Variants in RAB8B observed in about 807,000 individuals in gnomAD.
The protein encoded by RAB8B is ras-related protein Rab-8B.
A neutral mutation model predicts 32.0 loss-of-function variants in RAB8B; 11 were observed. The observed-to-expected ratio is 0.34, with a 90% CI of 0.22 to 0.57. The LOEUF is 0.57. RAB8B is among the 20% of genes least tolerant of loss of function. RAB8B has a pLI of 0.86. For missense variants in RAB8B, 190 were observed against 258.5 expected (o/e 0.73, Z 1.82); for synonymous variants, 103 against 89.6 (o/e 1.15, Z -0.85).
chr15:63,265,715 A>G lies in RAB8B; in HGVS notation c.*2096A>G, dbSNP rs1347991000. 6.6e-6 allele frequency: 1 copy of G among 152,474 alleles called. No individual in the cohort carries two copies. The highest frequency in any genetic ancestry group is 1.5e-5 in the Non-Finnish European group (1 of 67,960). 9.4% of individuals were successfully genotyped at this position (152,474 alleles called of 1,614,324 possible). A position where few individuals can be genotyped will look rare whatever the true frequency, so the allele number is the denominator to read the frequency against. On this transcript the variant is annotated 3_prime_UTR_variant, in exon 8 of 8. Coordinates refer to ENST00000321437, the MANE Select transcript of RAB8B (RefSeq NM_016530.3). The surrounding 1 kb of genome is among the most constrained non-coding windows in gnomAD (Gnocchi z 4.9). ...TCTCAGGGGTTGTCTGCAAACCAAA[A>G]CTGACATATTCTGTGGTTAGCTTTT...
chr15:63,251,894 C>T (rs888200628), intron 3 of RAB8B, among the ~76,000 whole-genome samples: 4 of 152,028 alleles, frequency 2.6e-5, no homozygotes, highest in African/African-American at 9.7e-5. Context: ...GTGGTTATGG[C>T]AGGTTTAGTT....
Position 63,259,749 on chromosome 15 carries a change from T to A in RAB8B, c.480+57T>A. On this transcript the variant is annotated intron_variant, in intron 6 of 7. Coordinates refer to ENST00000321437, the MANE Select transcript of RAB8B (RefSeq NM_016530.3). This position sits in a 1 kb window ranked among gnomAD's most constrained non-coding sequence, Gnocchi z 4.4. ...AGCAGCACCAGTGCTTAGGGGCCTG[T>A]GTTCAAACAGCTCTCAGAGCTTTGG... 7.0e-7 allele frequency: 1 copy of A among 1,433,414 alleles called. No homozygotes were observed. The highest frequency in any genetic ancestry group is 1.2e-5 in the South Asian group (1 of 85,744). The allele number at this position is 1,433,414 out of a possible 1,614,324, so 88.8% of individuals were successfully genotyped here. A position where few individuals can be genotyped will look rare whatever the true frequency, so the allele number is the denominator to read the frequency against.
At chr15:63,219,480 G>C (rs1358748833) in intron 1 of RAB8B, among the ~76,000 whole-genome samples, 1 of 149,746 alleles carries the variant, frequency 6.7e-6, no homozygotes, top group Non-Finnish European at 1.5e-5. Flanking sequence ...GAGGGAAAGA[G>C]AACAGACAAG....
intron 1 of RAB8B, chr15:63,223,085 A>G (rs1423913024): frequency 6.6e-6 from 3 of 455,100 alleles, no homozygotes; most frequent in Non-Finnish European, 1.3e-5. Flanking sequence ...TAAGTACCCT[A>G]TATAGGTATA....
intron 1 of RAB8B, among the ~76,000 whole-genome samples, chr15:63,200,719 G>A (rs1326197699): frequency 6.6e-6 from 1 of 152,224 alleles, no homozygotes; most frequent in Non-Finnish European, 1.5e-5. Flanking sequence ...CTTTGCTGGT[G>A]CTAAATTTCC....
intron 3 of RAB8B, among the ~76,000 whole-genome samples, chr15:63,251,093 AC>A (rs2038113541): frequency 6.6e-6 from 1 of 152,062 alleles, no homozygotes; most frequent in Non-Finnish European, 1.5e-5. Flanking sequence ...GCTGAAGTGT[AC>A]CACTAACCAT....
intron 1 of RAB8B, among the ~76,000 whole-genome samples, chr15:63,212,372 G>A (rs938629791): frequency 6.6e-6 from 1 of 152,152 alleles, no homozygotes; most frequent in Non-Finnish European, 1.5e-5. Context: ...TTCTGTTTCA[G>A]TTCATGTTCA....
chr15:63,260,662 T>A (rs528605788), intron 6 of RAB8B, among the ~76,000 whole-genome samples: 1 of 152,140 alleles, frequency 6.6e-6, no homozygotes, highest in African/African-American at 2.4e-5. Context: ...TCTATACATG[T>A]ATCCCAGAAC....
At chr15:63,237,931 T>C (rs1311730462) in intron 1 of RAB8B, among the ~76,000 whole-genome samples, 2 of 152,168 alleles carry the variant, frequency 1.3e-5, no homozygotes, top group Non-Finnish European at 2.9e-5. Flanking sequence ...GGTGGGGGTC[T>C]AGTTTCATTC....
intron 3 of RAB8B, chr15:63,251,269 G>T (rs1184497436): frequency 2.2e-6 from 1 of 455,946 alleles, no homozygotes; most frequent in East Asian, 6.9e-5. Context: ...TTTGTTGTTT[G>T]TTTGTTTCCC....
Position 63,197,376 on chromosome 15 carries a change from T to TC in RAB8B, c.124+7628_124+7629insC, listed in dbSNP as rs1166389323. On this transcript the variant is annotated intron_variant, in intron 1 of 7. Transcript: ENST00000321437. Reference sequence around the variant, plus strand: ...TTCTTTCTTTCTTTCTTTTCTTTTTTTTTTTTTTTTTTTTTAAGACAGAGT... The same window carrying TC: ...TTCTTTCTTTCTTTCTTTTCTTTTTTCTTTTTTTTTTTTTTTAAGACAGAGT... Among the ~76,000 whole-genome samples, 54 of 137,920 alleles carry TC rather than the reference T, an allele frequency of 3.9e-4. No individual in the cohort carries two copies. The East Asian group carries it at 0.011, about 28-fold the overall frequency. 90.5% of individuals were successfully genotyped at this position (137,920 alleles called of 152,430 possible). A position where few individuals can be genotyped will look rare whatever the true frequency, so the allele number is the denominator to read the frequency against.
rs368815376 is a variant in RAB8B, at chr15:63,266,997, G to T, written c.*3378G>T. On this transcript the variant is annotated 3_prime_UTR_variant, in exon 8 of 8. Coordinates refer to ENST00000321437, the MANE Select transcript of RAB8B (RefSeq NM_016530.3). ...TTTAAGCACTCATTTCTGCAATCAGGTTTCTCAGAATTTTTTTTTTTTAAA... is the reference window on the plus strand; with the variant it reads ...TTTAAGCACTCATTTCTGCAATCAGTTTTCTCAGAATTTTTTTTTTTTAAA... The T allele has an allele frequency of 3.9e-5, 6 of 152,286 alleles. No homozygotes were observed. The highest frequency in any genetic ancestry group is 1.9e-4 in the East Asian group (1 of 5,176). The allele number at this position is 152,286 out of a possible 1,614,324, so 9.4% of individuals were successfully genotyped here. A position where few individuals can be genotyped will look rare whatever the true frequency, so the allele number is the denominator to read the frequency against.
At chr15:63,244,416 G>A (rs768332215) in intron 1 of RAB8B, among the ~76,000 whole-genome samples, 31 of 152,172 alleles carry the variant, frequency 2.0e-4, no homozygotes, top group Non-Finnish European at 3.1e-4. Flanking sequence ...GGGTTGAGGA[G>A]TAGATAGGAA....
intron 3 of RAB8B, among the ~76,000 whole-genome samples, chr15:63,252,169 A>G (rs1293526801): frequency 6.6e-6 from 1 of 151,908 alleles, no homozygotes; most frequent in African/African-American, 2.4e-5. Context: ...TTGTATTTCT[A>G]ACTGATTCAT....
chr15:63,222,560 C>T (rs551139944), intron 1 of RAB8B, among the ~76,000 whole-genome samples: 142 of 152,284 alleles, frequency 9.3e-4, no homozygotes, highest in Non-Finnish European at 1.7e-3. Flanking sequence ...TTATTTGAGA[C>T]GGAGTCTCAC....
At chr15:63,250,121 C>T (rs1392233309) in intron 3 of RAB8B, among the ~76,000 whole-genome samples, 2 of 152,060 alleles carry the variant, frequency 1.3e-5, no homozygotes, top group Non-Finnish European at 2.9e-5. Context: ...CTGGCCTGGG[C>T]AACAGAGCGA....
At chr15:63,249,820 G>T in intron 3 of RAB8B, 115 bp downstream of exon 3, 1 of 1,139,476 alleles carries the variant, frequency 8.8e-7, no homozygotes, top group Admixed American at 2.5e-5. Flanking sequence ...TAAATTTTCT[G>T]ATGGGGAAAC....
Position 63,266,338 on chromosome 15 carries a change from T to G in RAB8B, c.*2719T>G, listed in dbSNP as rs1489787294. ...CTAAGTAGCATGTAAATCAGTTGAT[T>G]GTAAAACGTTTCGCTGGGAACTTAT... On this transcript the variant is annotated 3_prime_UTR_variant, in exon 8 of 8. Coordinates refer to ENST00000321437, the MANE Select transcript of RAB8B (RefSeq NM_016530.3). 1.3e-5 allele frequency: 2 copies of G among 152,602 alleles called. No individual in the cohort carries two copies. The highest frequency in any genetic ancestry group is 2.9e-5 in the Non-Finnish European group (2 of 67,998). The allele number at this position is 152,602 out of a possible 1,614,324, so 9.5% of individuals were successfully genotyped here.
intron 5 of RAB8B, 101 bp downstream of exon 5, chr15:63,256,695 T>G (rs2038161553): frequency 1.2e-6 from 1 of 859,462 alleles, no homozygotes; most frequent in Non-Finnish European, 1.8e-6. Context: ...ATCTGTGTTT[T>G]AATCCCTTTA....
Sources: gnomAD v4.1 joint callset for allele counts (sites outside exome capture counted in the v4.1 genomes callset) on GRCh38, gnomAD v4.1.1 for gene constraint, Gnocchi (gnomAD v3.1) non-coding constraint, MANE v1.5 for transcripts, NCBI Gene and HGNC (gene_info 2026-07-23, HGNC 2026-07-21) for gene names.